Variants in ALPK1 observed in about 807,000 individuals in gnomAD.
ALPK1 encodes the protein alpha-protein kinase 1.
A neutral mutation model predicts 120.6 loss-of-function variants in ALPK1; 110 were observed. The ratio of observed to expected loss-of-function variants is 0.91; its 90% CI spans 0.78 to 1.07. The LOEUF is 1.07. Ranked by LOEUF, ALPK1 falls within the 50% of genes least tolerant of loss-of-function variation. The pLI is 0.00. For synonymous variants in ALPK1, 582 were observed against 560.3 expected, an observed-to-expected ratio of 1.04 and a Z score of -0.55; for missense variants, 1,498 against 1,483.9, an observed-to-expected ratio of 1.01 and a Z score of -0.16.
intron 2 of ALPK1, among the ~76,000 whole-genome samples, chr4:112,323,906 C>T (rs1399770708): frequency 6.6e-6 from 1 of 152,198 alleles, no homozygotes; most frequent in Admixed American, 6.5e-5. Context: ...GACATCTGCT[C>T]CTCATGTCCT....
intron 2 of ALPK1, among the ~76,000 whole-genome samples, chr4:112,346,102 A>T (rs1481013678): frequency 6.6e-6 from 1 of 152,198 alleles, no homozygotes; most frequent in Non-Finnish European, 1.5e-5. Flanking sequence ...ACCTCAGGTG[A>T]TCTGCCCACC....
chr4:112,399,041 A>G (rs1055805653), intron 4 of ALPK1, among the ~76,000 whole-genome samples: 2 of 152,208 alleles, frequency 1.3e-5, no homozygotes, highest in African/African-American at 4.8e-5. Flanking sequence ...CTGACATCCA[A>G]CTTGGGCTAT....
At chr4:112,319,033 C>T (rs1017596626) in intron 2 of ALPK1, among the ~76,000 whole-genome samples, 1 of 152,168 alleles carries the variant, frequency 6.6e-6, no homozygotes, top group Non-Finnish European at 1.5e-5. Context: ...AGGAAAGTAA[C>T]ACCGTCAGTT....
chr4:112,424,533 G>C (rs1238497022), intron 6 of ALPK1, among the ~76,000 whole-genome samples: 1 of 152,102 alleles, frequency 6.6e-6, no homozygotes, highest in Non-Finnish European at 1.5e-5. Flanking sequence ...ATAACTTAAG[G>C]CTTCAGATAT....
At chr4:112,303,796 A>G (rs919113830) in intron 1 of ALPK1, among the ~76,000 whole-genome samples, 2 of 151,950 alleles carry the variant, frequency 1.3e-5, no homozygotes, top group Admixed American at 1.3e-4. Context: ...CATGTGCACA[A>G]CATGCAGGTT....
At chr4:112,304,312 G>T (rs990091737) in intron 1 of ALPK1, among the ~76,000 whole-genome samples, 2 of 152,062 alleles carry the variant, frequency 1.3e-5, no homozygotes, top group Admixed American at 6.5e-5. Flanking sequence ...CTAGATCCTT[G>T]AGAAAATGCC....
chr4:112,423,166 C>T (rs558360564), intron 5 of ALPK1, among the ~76,000 whole-genome samples: 72 of 152,304 alleles, frequency 4.7e-4, no homozygotes, highest in African/African-American at 1.7e-3. Flanking sequence ...CCTTCAGAGA[C>T]AGTGACATTT....
chr4:112,337,937 T>G (rs1729690790), intron 2 of ALPK1, among the ~76,000 whole-genome samples: 1 of 152,208 alleles, frequency 6.6e-6, no homozygotes, highest in Non-Finnish European at 1.5e-5. Context: ...TGCTAATAAC[T>G]TTTTAAATAA....
Position 112,431,581 on chromosome 4 carries a change from T to C in ALPK1, c.2034T>C (p.Asn678=). The C allele has an allele frequency of 1.9e-6, 3 of 1,614,184 alleles. No individual in the cohort carries two copies. The highest frequency in any genetic ancestry group is 2.5e-6 in the Non-Finnish European group (3 of 1,180,034). The change falls in exon 11 of 16, where the codon AAT becomes AAC. Residue 678 remains asparagine (N), a synonymous_variant. Transcript: ENST00000650871. ...CCTTGACACCCTTCTCGCCTCATAA[T>C]ACCCCAGGCATTTTCTTGGCCCCTG... is the stretch of plus-strand genomic sequence containing the variant. The part of the protein sequence containing the change: ...QMPLTPFSPH[N]TPGIFLAPGA...
intron 2 of ALPK1, among the ~76,000 whole-genome samples, chr4:112,362,428 A>G (rs1730955306): frequency 6.6e-6 from 1 of 152,248 alleles, no homozygotes; most frequent in African/African-American, 2.4e-5. Context: ...ACACTTAGAG[A>G]AATGTAAAAT....
At position 112,427,674 on chromosome 4, in the gene ALPK1, C is replaced by T. The variant is rs1187799859; in HGVS notation, c.795+9C>T. ...ATCCACAAATTAATTTGGTAATTATCATAACACTGAGTGGCATCACCTGTA... is the reference window on the plus strand; with the variant it reads ...ATCCACAAATTAATTTGGTAATTATTATAACACTGAGTGGCATCACCTGTA... On this transcript the variant is annotated intron_variant, in intron 9 of 15. Coordinates refer to ENST00000650871, the MANE Select transcript of ALPK1 (RefSeq NM_025144.4). 2.5e-6 allele frequency: 4 copies of T among 1,580,670 alleles called. No homozygotes were observed. The African/African-American group carries it at 4.0e-5, about 16-fold the overall frequency.
intron 4 of ALPK1, chr4:112,410,996 T>A (rs1181563089): frequency 6.5e-6 from 1 of 154,758 alleles, no homozygotes; most frequent in East Asian, 1.9e-4. Context: ...AGCAGAACAA[T>A]ATGTTTAGTG....
In ALPK1 at chr4:112,309,244, G is replaced by A. The variant is rs189023585; in HGVS notation, c.-152-6557G>A. Among the ~76,000 whole-genome samples, 65 of 152,232 alleles carry A rather than the reference G, an allele frequency of 4.3e-4. No individual in the cohort carries two copies. The East Asian group carries it at 0.011, about 25-fold the overall frequency. On this transcript the variant is annotated intron_variant, in intron 1 of 15. Coordinates refer to ENST00000650871, the MANE Select transcript of ALPK1 (RefSeq NM_025144.4). ...TGTCTGTTCTCAGATCTCAAACTCC[G>A]TGCTGGGGCAACCACTACTCTCTTC... is the stretch of plus-strand genomic sequence containing the variant.
At chr4:112,439,925 G>C in intron 14 of ALPK1, 53 bp downstream of exon 14, 7 of 1,423,556 alleles carry the variant, frequency 4.9e-6, no homozygotes, top group Non-Finnish European at 6.6e-6. Context: ...TAAATGTGAA[G>C]TTTTGTAACT....
At chr4:112,358,586 G>T in intron 2 of ALPK1, 1 of 719,846 alleles carries the variant, frequency 1.4e-6, no homozygotes. Context: ...GAGGCCCTGG[G>T]GGCTGCTGGC....
In ALPK1 at chr4:112,430,691, T is replaced by C; in HGVS notation, c.1144T>C (p.Cys382Arg). ...GACGGTCCATGCAGCAAGTCAGCTCTGTAAGGAAGCAATGGGGAAGCTGTA... is the reference window on the plus strand; with the variant it reads ...GACGGTCCATGCAGCAAGTCAGCTCCGTAAGGAAGCAATGGGGAAGCTGTA... ...TGTVHAASQL[C>R]KEAMGKLYNF... Residue 382 changes from cysteine (C) to arginine (R), a missense_variant, in exon 11 of 16, where the codon TGT (cysteine) becomes CGT (arginine). Transcript: ENST00000650871. 2.5e-6 allele frequency: 4 copies of C among 1,614,194 alleles called. No homozygotes were observed. Among genetic ancestry groups the C allele is most frequent in the East Asian group, 2.2e-5 (1 of 44,884 alleles).
chr4:112,440,765 A>C (rs1040985252), intron 14 of ALPK1, 152 bp from the exon 15 acceptor site: 10 of 1,288,228 alleles, frequency 7.8e-6, no homozygotes, highest in Non-Finnish European at 9.0e-6. Context: ...CCAGGAATTT[A>C]CTAACTATAA....
At chr4:112,330,397 G>A (rs1456013723) in intron 2 of ALPK1, among the ~76,000 whole-genome samples, 1 of 152,208 alleles carries the variant, frequency 6.6e-6, no homozygotes, top group Non-Finnish European at 1.5e-5. Context: ...AGTGTAGCCT[G>A]TATAAATTAA....
chr4:112,423,746 T>A (rs892458742), intron 5 of ALPK1, 198 bp from the exon 6 acceptor site: 1 of 695,604 alleles, frequency 1.4e-6, no homozygotes, highest in African/African-American at 1.8e-5. Context: ...ACTTCCCACC[T>A]TACCAACTTA....
Sources: gnomAD v4.1 joint callset for allele counts (sites outside exome capture counted in the v4.1 genomes callset) on GRCh38, gnomAD v4.1.1 for gene constraint, MANE v1.5 for transcripts, NCBI Gene and HGNC (gene_info 2026-07-23, HGNC 2026-07-21) for gene names.